ZNF678: variants seen among roughly 807,000 people sequenced by gnomAD.
ZNF678 encodes the protein zinc finger protein 678.
In ZNF678, 5 loss-of-function variants were observed where a neutral mutation model predicts 3.0. The ratio of observed to expected loss-of-function variants is 1.69; its 90% CI spans 0.88 to 3.56. The LOEUF is 3.56. Among genes scored for constraint, ZNF678 ranks in the 30% most tolerant of loss-of-function variants. ZNF678 has a pLI of 0.00. For synonymous variants in ZNF678, 218 were observed against 199.6 expected (o/e 1.09, Z -0.78); for missense variants, 593 against 605.0 (o/e 0.98, Z 0.21).
Position 227,662,070 on chromosome 1 carries a change from T to C in ZNF678, c.*6242T>C, listed in dbSNP as rs1659419812. ...GGACATGAGTATTTAAGGAGAAGGT[T>C]CTAGGCTTCCGAAGTAAAATTGGAT... On this transcript the variant is annotated 3_prime_UTR_variant, in exon 4 of 4. Transcript: ENST00000343776. 6.6e-6 allele frequency: 1 copy of C among 152,176 alleles called. No homozygotes were observed. The highest frequency in any genetic ancestry group is 2.1e-4 in the South Asian group (1 of 4,830). 9.4% of individuals were successfully genotyped at this position (152,176 alleles called of 1,614,324 possible).
At chr1:227,616,766 T>C (rs190584884) in intron 1 of ZNF678, among the ~76,000 whole-genome samples, 2 of 152,338 alleles carry the variant, frequency 1.3e-5, no homozygotes, top group Admixed American at 6.5e-5. Context: ...TGCATTCATA[T>C]TATGCAGAAA....
At chr1:227,624,636 C>G (rs1213843547) in intron 1 of ZNF678, among the ~76,000 whole-genome samples, 1 of 152,178 alleles carries the variant, frequency 6.6e-6, no homozygotes, top group Non-Finnish European at 1.5e-5. Flanking sequence ...AGGAATGGAA[C>G]CTTGGGCCAT....
downstream of ZNF678, among the ~76,000 whole-genome samples, chr1:227,664,175 T>A (rs1659463267): frequency 6.6e-6 from 1 of 151,862 alleles, no homozygotes; most frequent in Non-Finnish European, 1.5e-5. Flanking sequence ...AGACCCTATT[T>A]AAAAAAAATA....
intron 1 of ZNF678, among the ~76,000 whole-genome samples, chr1:227,571,959 G>C (rs867910157): frequency 6.6e-6 from 1 of 152,190 alleles, no homozygotes; most frequent in South Asian, 2.1e-4. Flanking sequence ...GGAGAATGGC[G>C]TGAACCTGGG....
chr1:227,571,854 A>G (rs1023407015), intron 1 of ZNF678, among the ~76,000 whole-genome samples: 4 of 152,204 alleles, frequency 2.6e-5, no homozygotes, highest in Non-Finnish European at 5.9e-5. Flanking sequence ...CATCCTGGCT[A>G]ACATGGTGAA....
intron 1 of ZNF678, among the ~76,000 whole-genome samples, chr1:227,642,665 T>TATATCATGGGGATATCATGGGGATATC (rs1658851321): frequency 6.6e-6 from 1 of 151,996 alleles, no homozygotes; most frequent in South Asian, 2.1e-4. Context: ...GATATCAGCC[T>TATATCATGGGGATATCATGGGGATATC]AGGCTTACTG....
chr1:227,672,916 G>A (rs942191496), intron 5 of ZNF678, among the ~76,000 whole-genome samples: 1 of 152,292 alleles, frequency 6.6e-6, no homozygotes, highest in East Asian at 1.9e-4. Context: ...AAAGATAACT[G>A]TGGTTTTCTA....
At chr1:227,652,129 A>G (rs1446874535) in intron 3 of ZNF678, among the ~76,000 whole-genome samples, 1 of 152,312 alleles carries the variant, frequency 6.6e-6, no homozygotes, top group South Asian at 2.1e-4. Context: ...TATAAATTAT[A>G]TATGTTCCCA....
chr1:227,612,980 T>A (rs1571886628), intron 1 of ZNF678, among the ~76,000 whole-genome samples: 1 of 152,166 alleles, frequency 6.6e-6, no homozygotes, highest in Admixed American at 6.5e-5. Flanking sequence ...GAGCAGGGTG[T>A]CCATTTTTCA....
At chr1:227,622,200 A>G (rs1454154299) in intron 1 of ZNF678, among the ~76,000 whole-genome samples, 2 of 152,194 alleles carry the variant, frequency 1.3e-5, no homozygotes, top group African/African-American at 4.8e-5. Context: ...CAACATAACA[A>G]GAACTTTGGT....
chr1:227,619,532 G>A (rs760202893), intron 1 of ZNF678, among the ~76,000 whole-genome samples: 1 of 149,918 alleles, frequency 6.7e-6, no homozygotes, highest in East Asian at 2.0e-4. Context: ...TTTGTTTTTC[G>A]ACGGAGTCTT....
rs1558157921 is a variant in ZNF678, at chr1:227,655,040, C to CCT, written c.791_792dup (p.Tyr265LeufsTer17). 1 of 1,612,190 alleles carries CCT rather than the reference C, an allele frequency of 6.2e-7. No individual in the cohort carries two copies. The highest frequency in any genetic ancestry group is 8.5e-7 in the Non-Finnish European group (1 of 1,179,334). On this transcript the variant is annotated frameshift_variant, in exon 4 of 4. Transcript: ENST00000343776. LOFTEE classifies it low-confidence loss of function (END_TRUNC). ...TAAGAGAATTCATACTGGAGAGAAA[C>CCT]CTTACAAGTGTGAAGAATGTGGCAA...
At chr1:227,665,716 A>G (rs1381998994), downstream of ZNF678, among the ~76,000 whole-genome samples, 1 of 152,248 alleles carries the variant, frequency 6.6e-6, no homozygotes, top group Admixed American at 6.5e-5. Flanking sequence ...TATTTTGTGT[A>G]TGTAAAGCTA....
chr1:227,612,817 G>A (rs924207778), intron 1 of ZNF678, among the ~76,000 whole-genome samples: 1 of 152,086 alleles, frequency 6.6e-6, no homozygotes, highest in Non-Finnish European at 1.5e-5. Context: ...CAAAGAGCAC[G>A]CCTCACCAAA....
chr1:227,640,693 G>A (rs906980207), intron 1 of ZNF678, among the ~76,000 whole-genome samples: 1 of 152,100 alleles, frequency 6.6e-6, no homozygotes, highest in East Asian at 1.9e-4. Context: ...AGGCTGTATC[G>A]CAAAAAAAGA....
Position 227,646,538 on chromosome 1 carries a change from C to CG in ZNF678, c.-163-6_-163-5insG. Reference sequence around the variant, plus strand: ...GTAAATACGTGTGTATTTTTCCCCCCCCCAGGGACTACTGGCATTCAGTGA... The same window carrying CG: ...GTAAATACGTGTGTATTTTTCCCCCCGCCCAGGGACTACTGGCATTCAGTGA... On this transcript the variant is annotated splice_polypyrimidine_tract_variant and splice_region_variant and intron_variant, in intron 1 of 3. Transcript: ENST00000343776. The CG allele has an allele frequency of 2.2e-6, 3 of 1,370,216 alleles. No homozygotes were observed. The African/African-American group carries it at 4.4e-5, about 20-fold the overall frequency. The allele number at this position is 1,370,216 out of a possible 1,614,324, so 84.9% of individuals were successfully genotyped here. A position where few individuals can be genotyped will look rare whatever the true frequency, so the allele number is the denominator to read the frequency against.
intron 1 of ZNF678, among the ~76,000 whole-genome samples, chr1:227,625,872 C>T (rs887056846): frequency 3.9e-5 from 6 of 152,158 alleles, no homozygotes; most frequent in African/African-American, 1.2e-4. Context: ...GCTCCAAGCC[C>T]TCCAGGACAA....
At position 227,612,444 on chromosome 1, in the gene ZNF678, C is replaced by T. The variant is rs1053748345; in HGVS notation, c.-163-34100C>T. Among the ~76,000 whole-genome samples the T allele has an allele frequency of 2.0e-5, 3 of 152,296 alleles. No individual in the cohort carries two copies. The East Asian group carries it at 5.8e-4, about 29-fold the overall frequency. ...ATCATGGTCAGGTACTGTGGGGTGC[C>T]TCCCTTTGGTGGAACGGTGCTGATT... On this transcript the variant is annotated intron_variant, in intron 1 of 3. Coordinates refer to ENST00000343776, the MANE Select transcript of ZNF678 (RefSeq NM_001367909.1).
intron 1 of ZNF678, among the ~76,000 whole-genome samples, chr1:227,578,153 C>T (rs1327428557): frequency 1.3e-5 from 2 of 152,156 alleles, no homozygotes; most frequent in African/African-American, 4.8e-5. Context: ...ACCTTTCTCT[C>T]CAGCTGTCTT....
Sources: allele counts gnomAD v4.1 joint callset (sites outside exome capture counted in the v4.1 genomes callset), GRCh38; gene constraint gnomAD v4.1.1; transcripts MANE v1.5; gene names NCBI Gene and HGNC (gene_info 2026-07-23, HGNC 2026-07-21).